GAK: variants seen among roughly 807,000 people sequenced by gnomAD.
GAK encodes the protein cyclin G associated kinase, also known as cyclin-G-associated kinase.
A neutral mutation model predicts 143.9 loss-of-function variants in GAK; 79 were observed. The ratio of observed to expected loss-of-function variants is 0.55; its 90% CI spans 0.46 to 0.66. The LOEUF is 0.66. Ranked by LOEUF, GAK falls within the 30% of genes least tolerant of loss-of-function variation. GAK has a pLI of 0.00. For missense variants in GAK, 1,693 were observed against 1,779.7 expected (o/e 0.95, Z 0.88); for synonymous variants, 881 against 765.5 (o/e 1.15, Z -2.49).
At chr4:889,707 T>C (rs1424257654) in intron 10 of GAK, among the ~76,000 whole-genome samples, 6 of 152,176 alleles carry the variant, frequency 3.9e-5, no homozygotes, top group Non-Finnish European at 8.8e-5. Context: ...GCAGTGGGGA[T>C]GCGGGGCGAG....
intron 1 of GAK, among the ~76,000 whole-genome samples, chr4:916,830 A>G (rs1560434038): frequency 1.3e-5 from 2 of 152,344 alleles, no homozygotes; most frequent in Admixed American, 1.3e-4. Flanking sequence ...CAGCCCTGAC[A>G]TTACGCTGCT....
intron 18 of GAK, among the ~76,000 whole-genome samples, chr4:875,948 A>G (rs899665641): frequency 1.4e-4 from 21 of 152,216 alleles, no homozygotes; most frequent in Non-Finnish European, 1.5e-5. Context: ...CTCAAAAAAA[A>G]AGACAGACCT....
chr4:881,235 G>C (rs1715041874), intron 15 of GAK, among the ~76,000 whole-genome samples: 1 of 152,188 alleles, frequency 6.6e-6, no homozygotes, highest in African/African-American at 2.4e-5. Context: ...TTTGCTCCTG[G>C]GCCCTAACCC....
chr4:921,734 CT>C (rs1723957628), intron 1 of GAK, among the ~76,000 whole-genome samples: 1 of 151,632 alleles, frequency 6.6e-6, no homozygotes, highest in African/African-American at 2.4e-5. Context: ...CAAAAAGATC[CT>C]GTTTAGGGGA....
intron 18 of GAK, among the ~76,000 whole-genome samples, chr4:875,785 T>C (rs1213873863): frequency 1.6e-4 from 24 of 152,202 alleles, no homozygotes; most frequent in Admixed American, 1.6e-3. Context: ...CTACTAAAAA[T>C]ACAAAACTTA....
chr4:883,844 C>T (rs1474269276), intron 12 of GAK, among the ~76,000 whole-genome samples, 193 bp downstream of exon 12: 1 of 152,256 alleles, frequency 6.6e-6, no homozygotes, highest in East Asian at 1.9e-4. Flanking sequence ...GGCGCTGACC[C>T]TGTCCACTGC....
Position 867,446 on chromosome 4 carries a change from A to T in GAK, c.2396-14T>A. The T allele has an allele frequency of 2.6e-6, 4 of 1,510,196 alleles. No homozygotes were observed. Among genetic ancestry groups the T allele is most frequent in the Non-Finnish European group, 3.6e-6 (4 of 1,125,094 alleles). 93.5% of individuals were successfully genotyped at this position (1,510,196 alleles called of 1,614,324 possible). On this transcript the variant is annotated splice_polypyrimidine_tract_variant and intron_variant, in intron 20 of 27. Coordinates refer to ENST00000314167, the MANE Select transcript of GAK (RefSeq NM_005255.4). The stretch of plus-strand genomic sequence containing the variant: ...CCTCCTTCTCTTCTGCGAAAAGGAA[A>T]CAAAACCACAGGCTAGTGAGACCAC...
intron 24 of GAK, among the ~76,000 whole-genome samples, chr4:856,917 G>A (rs971363143): frequency 2.6e-5 from 4 of 152,342 alleles, no homozygotes; most frequent in Non-Finnish European, 4.4e-5. Context: ...AGCTGACGAC[G>A]TTCTGCTCAT....
intron 24 of GAK, among the ~76,000 whole-genome samples, chr4:858,741 G>A (rs1328279166): frequency 6.6e-6 from 1 of 152,224 alleles, no homozygotes; most frequent in Non-Finnish European, 1.5e-5. Flanking sequence ...GCCCGGGAGA[G>A]AGTGAGGACT....
chr4:911,622 C>T (rs1019092698), intron 4 of GAK, 51 bp downstream of exon 4: 4 of 1,289,766 alleles, frequency 3.1e-6, no homozygotes, highest in Non-Finnish European at 4.5e-6. Flanking sequence ...AGGCATCAAG[C>T]CGGCCTCTGC....
chr4:857,573 G>C (rs1046828079), intron 24 of GAK, among the ~76,000 whole-genome samples: 1 of 152,202 alleles, frequency 6.6e-6, no homozygotes, highest in African/African-American at 2.4e-5. Context: ...TTTCACGTAA[G>C]TCGTCAAGCA....
chr4:870,470 C>A (rs1712315834), intron 19 of GAK, among the ~76,000 whole-genome samples: 1 of 152,206 alleles, frequency 6.6e-6, no homozygotes, highest in Non-Finnish European at 1.5e-5. Context: ...CCTCCCTCTG[C>A]CTCCGTCCCT....
At chr4:899,324 C>A (rs1366496858) in intron 5 of GAK, among the ~76,000 whole-genome samples, 1 of 152,208 alleles carries the variant, frequency 6.6e-6, no homozygotes, top group East Asian at 1.9e-4. Flanking sequence ...GCACAGGCAT[C>A]CCTCTGGAGA....
chr4:884,429 T>G, intron 11 of GAK: 1 of 278,422 alleles, frequency 3.6e-6, no homozygotes, highest in Non-Finnish European at 6.9e-6. Flanking sequence ...GCAACACCGG[T>G]GGAAGGGGAG....
chr4:889,088 C>T, intron 10 of GAK, 118 bp from the exon 11 acceptor site: 2 of 1,289,824 alleles, frequency 1.6e-6, no homozygotes, highest in Non-Finnish European at 2.1e-6. Context: ...GCGCTCGGTC[C>T]CACCTCCCCA....
chr4:877,745 G>C lies in GAK; in HGVS notation c.1726C>G (p.Leu576Val), dbSNP rs1553876265. The change falls in exon 16 of 28, where the codon CTG becomes GTG. Residue 576 changes from leucine (L) to valine (V), a missense_variant. This residue lies in a region of GAK where 871 missense variants were observed against 991.0 expected (regional missense o/e 0.88). Transcript: ENST00000314167. ...GGTGTCATGACCACGGCCCTCACCAGGATGGGCTTGCTGTGGGGTGTGATG... is the reference window on the plus strand; with the variant it reads ...GGTGTCATGACCACGGCCCTCACCACGATGGGCTTGCTGTGGGGTGTGATG... The part of the protein sequence containing the change: ...EPITPHSKPI[L>V]VRAVVMTPVP... The C allele has an allele frequency of 1.2e-6, 2 of 1,613,288 alleles. No homozygotes were observed. The highest frequency in any genetic ancestry group is 8.5e-7 in the Non-Finnish European group (1 of 1,179,842).
At chr4:857,438 G>A (rs555479453) in intron 24 of GAK, among the ~76,000 whole-genome samples, 3 of 152,194 alleles carry the variant, frequency 2.0e-5, no homozygotes, top group South Asian at 2.1e-4. Flanking sequence ...AGGTGGGTCC[G>A]CAGGTTTCCT....
intron 11 of GAK, chr4:887,922 CAT>C (rs1716848826): frequency 1.3e-5 from 2 of 152,050 alleles, no homozygotes; most frequent in Non-Finnish European, 2.9e-5. Flanking sequence ...CACATGTTCA[CAT>C]ATGTATGTTA....
rs1725229278 is a variant in GAK, at chr4:928,773, TTTTTGGTGAGACGGAGA to T, written c.145+3253_145+3269del. 1.7e-4 allele frequency among the ~76,000 whole-genome samples: 26 copies of T among 152,290 alleles called. No individual in the cohort carries two copies. In the South Asian group the frequency reaches 5.4e-3, roughly 32 times the overall value. On this transcript the variant is annotated intron_variant, in intron 1 of 27. Transcript: ENST00000314167. Reference sequence around the variant, plus strand: ...GAACATTCTTTTTTCTTTTCTTTTTTTTTTGGTGAGACGGAGATTTACTCTTGTTGCCCAGGCTGGAG... The same window carrying T: ...GAACATTCTTTTTTCTTTTCTTTTTTTTTACTCTTGTTGCCCAGGCTGGAG...
Sources: allele counts gnomAD v4.1 joint callset (sites outside exome capture counted in the v4.1 genomes callset), GRCh38; gene constraint gnomAD v4.1.1; regional missense constraint gnomAD v4.1.1; transcripts MANE v1.5; gene names NCBI Gene and HGNC (gene_info 2026-07-23, HGNC 2026-07-21).